CSMD1: variants seen among roughly 807,000 people sequenced by gnomAD.
The protein encoded by CSMD1 is CUB and sushi domain-containing protein 1.
In CSMD1, 213 loss-of-function variants were observed where a neutral mutation model predicts 417.5. The observed-to-expected ratio is 0.51, with a 90% CI of 0.46 to 0.57. The LOEUF (loss-of-function observed/expected upper bound fraction) is 0.57. Among genes scored for constraint, CSMD1 ranks in the 20% least tolerant of loss-of-function variants. The pLI is 0.00. For synonymous variants in CSMD1, 2,862 were observed against 1,736.8 expected, an observed-to-expected ratio of 1.65 and a Z score of -16.11; for missense variants, 6,923 against 4,529.7, an observed-to-expected ratio of 1.53 and a Z score of -15.17.
chr8:3,920,675 T>C (rs986910187), intron 5 of CSMD1, among the ~76,000 whole-genome samples: 1 of 152,116 alleles, frequency 6.6e-6, no homozygotes, highest in Non-Finnish European at 1.5e-5. Flanking sequence ...GTTGAGAGCT[T>C]TTATCAGGAA....
At chr8:3,009,807 A>G (rs888430397) in intron 52 of CSMD1, among the ~76,000 whole-genome samples, 1 of 152,188 alleles carries the variant, frequency 6.6e-6, no homozygotes, top group Non-Finnish European at 1.5e-5. Flanking sequence ...TTGTGACAGC[A>G]TCAAACACGG....
intron 1 of CSMD1, among the ~76,000 whole-genome samples, chr8:4,969,183 T>C (rs1260650733): frequency 6.6e-6 from 1 of 152,158 alleles, no homozygotes; most frequent in Admixed American, 6.6e-5. Context: ...TGTGTGCGTG[T>C]GTGTTGGTCT....
chr8:4,790,619 G>A (rs1797638162), intron 1 of CSMD1, among the ~76,000 whole-genome samples: 1 of 152,110 alleles, frequency 6.6e-6, no homozygotes, highest in African/African-American at 2.4e-5. Flanking sequence ...GCACGGTACT[G>A]GTACAAAAGC....
In CSMD1 at chr8:3,752,676, C is replaced by CAAAAAAA. The variant is rs200769696; in HGVS notation, c.931+1247_931+1253dup. 1.8e-3 allele frequency among the ~76,000 whole-genome samples: 179 copies of CAAAAAAA among 96,940 alleles called. 6 individuals are homozygous for CAAAAAAA. The highest frequency in any genetic ancestry group is 8.5e-3 in the East Asian group (23 of 2,714). 63.6% of individuals were successfully genotyped at this position (96,940 alleles called of 152,430 possible). A position where few individuals can be genotyped will look rare whatever the true frequency, so the allele number is the denominator to read the frequency against. ...CCACTGCCACCCACTCCCCGCCTGG[C>CAAAAAAA]AAAAAAAAAAAAAAAAAAAAAAAAA... On this transcript the variant is annotated intron_variant, in intron 6 of 69. Coordinates refer to ENST00000635120, the MANE Select transcript of CSMD1 (RefSeq NM_033225.6).
At chr8:3,858,992 C>G (rs916919071) in intron 5 of CSMD1, among the ~76,000 whole-genome samples, 3 of 152,176 alleles carry the variant, frequency 2.0e-5, no homozygotes, top group African/African-American at 4.8e-5. Flanking sequence ...TTCTTCTACT[C>G]CACACCTTCA....
chr8:3,824,815 C>A (rs1334332270), intron 5 of CSMD1, among the ~76,000 whole-genome samples: 2 of 151,708 alleles, frequency 1.3e-5, no homozygotes, highest in Non-Finnish European at 2.9e-5. Flanking sequence ...GATGGATGAG[C>A]AAATTGAAAA....
intron 5 of CSMD1, among the ~76,000 whole-genome samples, chr8:3,997,480 T>C (rs1228697198): frequency 6.6e-6 from 1 of 152,156 alleles, no homozygotes; most frequent in East Asian, 1.9e-4. Context: ...TGGTACACAG[T>C]CTTCACGAAG....
chr8:2,962,578 G>A lies in CSMD1; in HGVS notation c.9516C>T (p.Thr3172=), dbSNP rs1041949771. 6.2e-7 allele frequency: 1 copy of A among 1,613,880 alleles called. No homozygotes were observed. Among genetic ancestry groups the A allele is most frequent in the South Asian group, 1.1e-5 (1 of 91,068 alleles). ...AEGRLSGKSF[T]YKSEVFFQCK... is the part of the protein sequence containing the mutation. Reference sequence around the variant, plus strand: ...ACTGGAAGAAGACTTCGGACTTATAGGTGAAACTTTTCCCACTAAGTCGCC... The same window carrying A: ...ACTGGAAGAAGACTTCGGACTTATAAGTGAAACTTTTCCCACTAAGTCGCC... The change falls in exon 61 of 70, where the codon ACC becomes ACT. Residue 3172 remains threonine (T), a synonymous_variant. Transcript: ENST00000635120.
chr8:4,839,996 C>T (rs966921007), intron 1 of CSMD1, among the ~76,000 whole-genome samples: 1 of 152,176 alleles, frequency 6.6e-6, no homozygotes. Context: ...GTGGAACTTA[C>T]AGGTGCTTTT....
chr8:4,445,348 A>T (rs951280230), intron 2 of CSMD1, among the ~76,000 whole-genome samples: 2 of 152,206 alleles, frequency 1.3e-5, no homozygotes, highest in African/African-American at 4.8e-5. Context: ...AAGTGTATGA[A>T]GTCTTTTCCT....
At position 4,629,205 on chromosome 8, in the gene CSMD1, T is replaced by A. The variant is rs192565267; in HGVS notation, c.302+8137A>T. Among the ~76,000 whole-genome samples, 13 of 152,172 alleles carry A rather than the reference T, an allele frequency of 8.5e-5. No individual in the cohort carries two copies. In the East Asian group the frequency reaches 2.3e-3, roughly 27 times the overall value. On this transcript the variant is annotated intron_variant, in intron 2 of 69. Coordinates refer to ENST00000635120, the MANE Select transcript of CSMD1 (RefSeq NM_033225.6). Reference sequence around the variant, plus strand: ...TACATTCTTAGCTAGAATTTCTGAATGAAAAGTTTGTACTTTATTTTGAGA... The same window carrying A: ...TACATTCTTAGCTAGAATTTCTGAAAGAAAAGTTTGTACTTTATTTTGAGA...
chr8:4,404,052 A>G (rs1205417794), intron 3 of CSMD1, among the ~76,000 whole-genome samples: 2 of 152,152 alleles, frequency 1.3e-5, no homozygotes, highest in African/African-American at 4.8e-5. Context: ...ACTTATCCAA[A>G]AACACTCTAC....
chr8:3,809,582 A>T (rs1800947292), intron 5 of CSMD1, among the ~76,000 whole-genome samples: 2 of 152,158 alleles, frequency 1.3e-5, no homozygotes, highest in Non-Finnish European at 2.9e-5. Flanking sequence ...GTGAAAGTGT[A>T]GATAGTTGGC....
intron 1 of CSMD1, among the ~76,000 whole-genome samples, chr8:4,913,748 G>C (rs117705667): frequency 6.6e-6 from 1 of 152,108 alleles, no homozygotes; most frequent in African/African-American, 2.4e-5. Flanking sequence ...CGAGGGAGTT[G>C]TCCATGTGTT....
At chr8:4,305,526 G>A (rs1005682690) in intron 3 of CSMD1, among the ~76,000 whole-genome samples, 10 of 152,176 alleles carry the variant, frequency 6.6e-5, no homozygotes, top group African/African-American at 2.4e-4. Flanking sequence ...CGGTGTCACA[G>A]AACAACTTCC....
chr8:4,843,120 AG>A (rs1232136097), intron 1 of CSMD1, among the ~76,000 whole-genome samples: 62 of 152,300 alleles, frequency 4.1e-4, no homozygotes, highest in African/African-American at 1.4e-3. Flanking sequence ...TTGAGAGTCG[AG>A]GAAATGAACA....
chr8:4,008,606 T>TA lies in CSMD1; in HGVS notation c.611-10497_611-10496insT, dbSNP rs1563312951. Among the ~76,000 whole-genome samples, 203 of 127,206 alleles carry TA rather than the reference T, an allele frequency of 1.6e-3. 3 individuals carry two copies. The highest frequency in any genetic ancestry group is 5.9e-3 in the African/African-American group (199 of 33,496). The allele number at this position is 127,206 out of a possible 152,430, so 83.5% of individuals were successfully genotyped here. A position where few individuals can be genotyped will look rare whatever the true frequency, so the allele number is the denominator to read the frequency against. ...GTATTTTCTTTCTTTTTTTCTTTTT[T>TA]TTTTTTTTTTTTTTTTTTTTTTGAG... On this transcript the variant is annotated intron_variant, in intron 4 of 69. Transcript: ENST00000635120.
chr8:4,608,894 A>T (rs1325977614), intron 2 of CSMD1, among the ~76,000 whole-genome samples: 2 of 152,192 alleles, frequency 1.3e-5, no homozygotes, highest in South Asian at 2.1e-4. Flanking sequence ...TTTTAAAATT[A>T]ACATTTAAAA....
intron 2 of CSMD1, among the ~76,000 whole-genome samples, chr8:4,516,446 G>A (rs542583671): frequency 1.3e-5 from 2 of 152,102 alleles, no homozygotes; most frequent in African/African-American, 2.4e-5. Context: ...CCCCAGAGAC[G>A]CCTCACCCTC....
Sources: allele counts gnomAD v4.1 joint callset (sites outside exome capture counted in the v4.1 genomes callset), GRCh38; gene constraint gnomAD v4.1.1; transcripts MANE v1.5; gene names NCBI Gene and HGNC (gene_info 2026-07-23, HGNC 2026-07-21).